USP28: variants seen among roughly 807,000 people sequenced by gnomAD.
USP28 encodes ubiquitin carboxyl-terminal hydrolase 28.
Under a neutral mutation model 145.0 loss-of-function variants are expected in USP28, and 113 were observed. The ratio of observed to expected loss-of-function variants is 0.78; its 90% CI spans 0.67 to 0.91. USP28 has a LOEUF of 0.91. Among genes scored for constraint, USP28 ranks in the 40% least tolerant of loss-of-function variants. The pLI is 0.00. For missense variants in USP28, 1,201 were observed against 1,289.6 expected (o/e 0.93, Z 1.05); for synonymous variants, 447 against 450.9 (o/e 0.99, Z 0.11).
chr11:113,812,579 ACT>A, intron 15 of USP28, 75 bp from the exon 16 acceptor site: 1 of 1,322,898 alleles, frequency 7.6e-7, no homozygotes, highest in Non-Finnish European at 1.1e-6. Context: ...TTAAGAAATT[ACT>A]GTTTATGATG....
chr11:113,834,884 T>C (rs999829049), intron 5 of USP28, among the ~76,000 whole-genome samples: 21 of 152,126 alleles, frequency 1.4e-4, no homozygotes, highest in Non-Finnish European at 2.4e-4. Context: ...AAAACACATT[T>C]TGAGTGAAAA....
chr11:113,871,186 G>A (rs1259161469), intron 1 of USP28, among the ~76,000 whole-genome samples: 1 of 152,146 alleles, frequency 6.6e-6, no homozygotes, highest in Admixed American at 6.5e-5. Context: ...GCTGGAAAGA[G>A]ATGTACAAAA....
At chr11:113,826,519 C>A (rs1328516756) in intron 11 of USP28, among the ~76,000 whole-genome samples, 39 of 151,420 alleles carry the variant, frequency 2.6e-4, no homozygotes, top group African/African-American at 9.5e-4. Flanking sequence ...GTTGCCCAGG[C>A]TAGTCTTAAA....
At chr11:113,808,066 G>T in intron 18 of USP28, 1 of 1,376,084 alleles carries the variant, frequency 7.3e-7, no homozygotes, top group East Asian at 3.2e-5. Context: ...ATTAGCCTTT[G>T]GGGGCTGTTC....
exon 25 of USP28, chr11:113,798,066 G>GTTTTTTTTTTTTT (rs528048657): frequency 2.2e-5 from 2 of 91,236 alleles, no homozygotes; most frequent in Admixed American, 1.5e-4. Context: ...ATGTATGCTG[G>GTTTTTTTTTTTTT]TTTTTTTTTT....
chr11:113,829,445 C>T, intron 9 of USP28, 100 bp from the exon 10 acceptor site: 1 of 1,447,694 alleles, frequency 6.9e-7, no homozygotes. Flanking sequence ...CAGCAACTTC[C>T]TGATAGCTGG....
chr11:113,815,495 C>A, intron 13 of USP28, 113 bp from the exon 14 acceptor site: 4 of 959,308 alleles, frequency 4.2e-6, no homozygotes, highest in Non-Finnish European at 6.2e-6. Flanking sequence ...ATTCAGTGAG[C>A]ATTAACTCTA....
At chr11:113,842,261 C>T (rs1945277466) in intron 3 of USP28, among the ~76,000 whole-genome samples, 1 of 151,114 alleles carries the variant, frequency 6.6e-6, no homozygotes, top group African/African-American at 2.4e-5. Context: ...GCAAATAGAA[C>T]CCAATAATAT....
intron 5 of USP28, among the ~76,000 whole-genome samples, chr11:113,836,037 C>A (rs1390532714): frequency 1.3e-5 from 2 of 152,154 alleles, no homozygotes; most frequent in African/African-American, 2.4e-5. Flanking sequence ...GAGATCGCAC[C>A]ATTGCATACC....
At chr11:113,827,641 T>C (rs992555852) in intron 10 of USP28, among the ~76,000 whole-genome samples, 1 of 152,292 alleles carries the variant, frequency 6.6e-6, no homozygotes. Flanking sequence ...TAAACCACCC[T>C]TGAATATGTG....
chr11:113,874,635 G>A, intron 1 of USP28: 11 of 1,284,722 alleles, frequency 8.6e-6, no homozygotes, highest in Non-Finnish European at 1.1e-5. Context: ...TACTTGAGGG[G>A]TGAGGAGGTG....
In USP28 at chr11:113,875,516, G is replaced by A. The variant is rs936835343; in HGVS notation, c.-15C>T. The A allele has an allele frequency of 4.3e-6, 5 of 1,160,392 alleles. No homozygotes were observed. In the South Asian group the frequency reaches 1.1e-4, roughly 27 times the overall value. The allele number at this position is 1,160,392 out of a possible 1,614,324, so 71.9% of individuals were successfully genotyped here. ...TCCGCAGTCATGGCCGAGGCGCCCA[G>A]CCGCGGGTCACCGGTCTCCCGCCGC... On this transcript the variant is annotated 5_prime_UTR_variant, in exon 1 of 25. Coordinates refer to ENST00000003302, the Ensembl canonical transcript of USP28.
At chr11:113,865,831 T>A (rs1948198412) in intron 1 of USP28, among the ~76,000 whole-genome samples, 1 of 151,936 alleles carries the variant, frequency 6.6e-6, no homozygotes, top group Non-Finnish European at 1.5e-5. Flanking sequence ...AAGAAAAAAA[T>A]AATAACACTT....
rs1942519686 is a variant in USP28, at chr11:113,821,073, T to A, written c.1283+2532A>T. 2.9e-5 allele frequency: 7 copies of A among 240,576 alleles called. 1 individual carries two copies. In the South Asian group the frequency reaches 4.5e-4, roughly 16 times the overall value. The allele number at this position is 240,576 out of a possible 1,614,324, so 14.9% of individuals were successfully genotyped here. On this transcript the variant is annotated intron_variant, in intron 12 of 24. Transcript: ENST00000003302. ...GGGAGGAGAAGGGGGATATGGGAGTTGTCACTGGTGAGGGACTTGGGATGA... is the reference window on the plus strand; with the variant it reads ...GGGAGGAGAAGGGGGATATGGGAGTAGTCACTGGTGAGGGACTTGGGATGA...
At chr11:113,809,366 T>C (rs1158681953) in intron 16 of USP28, 112 bp from the exon 17 acceptor site, 2 of 1,030,074 alleles carry the variant, frequency 1.9e-6, no homozygotes, top group African/African-American at 1.6e-5. Flanking sequence ...TAAAAATACA[T>C]GCACATAGAA....
intron 16 of USP28, among the ~76,000 whole-genome samples, chr11:113,810,251 C>T (rs572199200): frequency 4.6e-5 from 7 of 152,134 alleles, no homozygotes; most frequent in South Asian, 2.1e-4. Context: ...AACTTTCATA[C>T]AATTCAGTAC....
chr11:113,858,585 C>T (rs1286945069), intron 1 of USP28, among the ~76,000 whole-genome samples: 2 of 152,144 alleles, frequency 1.3e-5, no homozygotes, highest in African/African-American at 4.8e-5. Flanking sequence ...TGATATTCCT[C>T]ATCATGTGGT....
intron 1 of USP28, among the ~76,000 whole-genome samples, chr11:113,860,517 T>A (rs1174567131): frequency 6.6e-6 from 1 of 150,842 alleles, no homozygotes; most frequent in Non-Finnish European, 1.5e-5. Flanking sequence ...ATAGTATCAA[T>A]GCCAAAAACT....
At position 113,857,765 on chromosome 11, in the gene USP28, G is replaced by A. The variant is rs944414712; in HGVS notation, c.58-3430C>T. Among the ~76,000 whole-genome samples the A allele has an allele frequency of 2.6e-5, 4 of 152,038 alleles. No homozygotes were observed. The East Asian group carries it at 7.7e-4, about 29-fold the overall frequency. On this transcript the variant is annotated intron_variant, in intron 1 of 24. Coordinates refer to ENST00000003302, the Ensembl canonical transcript of USP28. The stretch of plus-strand genomic sequence containing the variant: ...ACCTTGGATTAAAGTCAGTTACACT[G>A]TAATATTACCATTCCTCTTTCTCCA...
Sources: gnomAD v4.1 joint callset for allele counts (sites outside exome capture counted in the v4.1 genomes callset) on GRCh38, gnomAD v4.1.1 for gene constraint, MANE v1.5 for transcripts, NCBI Gene and HGNC (gene_info 2026-07-23, HGNC 2026-07-21) for gene names.